Variants in IL1RAPL2 observed in about 807,000 individuals in gnomAD.
IL1RAPL2 encodes the protein interleukin 1 receptor accessory protein like 2.
In IL1RAPL2, 3 loss-of-function variants were observed where a neutral mutation model predicts 44.1. The ratio of observed to expected loss-of-function variants is 0.07; its 90% CI spans 0.03 to 0.18. The LOEUF is 0.18. Among genes scored for constraint, IL1RAPL2 ranks in the 10% least tolerant of loss-of-function variants. The pLI is 1.00. For missense variants in IL1RAPL2, 391 were observed against 496.4 expected, an observed-to-expected ratio of 0.79 and a Z score of 2.02; for synonymous variants, 181 against 178.8, an observed-to-expected ratio of 1.01 and a Z score of -0.10.
chrX:105,670,141 A>C (rs1462517438), intron 6 of IL1RAPL2, among the ~76,000 whole-genome samples: 3 of 53,928 alleles, frequency 5.6e-5, no homozygotes, highest in African/African-American at 1.3e-4. Context: ...ATATATATAT[A>C]TATATATCTC....
At chrX:105,345,234 A>G (rs2035101750) in intron 5 of IL1RAPL2, among the ~76,000 whole-genome samples, 1 of 112,038 alleles carries the variant, frequency 8.9e-6, no homozygotes, top group East Asian at 2.8e-4. Context: ...TTTAAAAATC[A>G]TTTATCAGAT....
rs201017881 is a variant in IL1RAPL2 at position 105,357,652 on chromosome X, T to TA, written c.697+90121dup. Among the ~76,000 whole-genome samples the TA allele has an allele frequency of 6.7e-3, 717 of 106,982 alleles. 7 individuals are homozygous for TA. The highest frequency in any genetic ancestry group is 0.021 in the East Asian group (72 of 3,446). The allele number at this position is 106,982 out of a possible 115,157, so 92.9% of individuals were successfully genotyped here. The stretch of plus-strand genomic sequence containing the variant: ...ATTTGTACTAACTCTGGTAGTTTGC[T>TA]AAAAAAAAAATCAGGACAGGCTAAA... On this transcript the variant is annotated intron_variant, in intron 5 of 10. Transcript: ENST00000372582.
intron 6 of IL1RAPL2, among the ~76,000 whole-genome samples, chrX:105,548,265 G>C: frequency 9.1e-6 from 1 of 109,619 alleles, no homozygotes; most frequent in Non-Finnish European, 1.9e-5. Flanking sequence ...TATATATATT[G>C]AAATTATATA....
chrX:105,387,762 T>C (rs949389797), intron 5 of IL1RAPL2, among the ~76,000 whole-genome samples: 25 of 111,286 alleles, frequency 2.2e-4, no homozygotes, highest in African/African-American at 7.8e-4. Context: ...TTATATACTT[T>C]AAACACTTAA....
chrX:105,080,198 T>A (rs529187391), intron 2 of IL1RAPL2, among the ~76,000 whole-genome samples: 1 of 112,398 alleles, frequency 8.9e-6, no homozygotes, highest in Admixed American at 9.4e-5. Context: ...TAGTTTCTTT[T>A]GCTGTGCAGA....
In IL1RAPL2 at chrX:104,734,481, T is replaced by G. The variant is rs913502381; in HGVS notation, c.82+75486T>G. On this transcript the variant is annotated intron_variant, in intron 2 of 10. Transcript: ENST00000372582. ...TATTCAGCAATAAAAAATGAACTTT[T>G]GATTCATCCATCAACTTGGATGAAT... Among the ~76,000 whole-genome samples the G allele has an allele frequency of 1.6e-4, 18 of 112,829 alleles. No individual in the cohort carries two copies. In the East Asian group the frequency reaches 1.7e-3, roughly 10 times the overall value.
chrX:105,193,630 T>A (rs1466164679), intron 2 of IL1RAPL2, among the ~76,000 whole-genome samples: 4 of 111,801 alleles, frequency 3.6e-5, no homozygotes, highest in African/African-American at 1.3e-4. Context: ...TCTTGAAAGT[T>A]TTGCAGTGAC....
chrX:105,013,317 C>G (rs938716786), intron 2 of IL1RAPL2, among the ~76,000 whole-genome samples: 1 of 110,453 alleles, frequency 9.1e-6, no homozygotes, highest in Admixed American at 9.7e-5. Context: ...TCTAGCTATG[C>G]CAACAGAACC....
chrX:105,072,469 CAGA>C (rs1165208135), intron 2 of IL1RAPL2, among the ~76,000 whole-genome samples: 1 of 110,700 alleles, frequency 9.0e-6, no homozygotes, highest in Non-Finnish European at 1.9e-5. Flanking sequence ...TTGGAGGGCT[CAGA>C]AGAAGACAGG....
chrX:105,715,548 G>T (rs1411812129), intron 6 of IL1RAPL2, among the ~76,000 whole-genome samples: 2 of 111,419 alleles, frequency 1.8e-5, no homozygotes, highest in Non-Finnish European at 3.8e-5. Context: ...GCAAGTAAGG[G>T]AAATTCTCAG....
In IL1RAPL2 at chrX:104,761,930, CTTCTTCTT is replaced by C. The variant is rs1569309922; in HGVS notation, c.82+102936_82+102943del. 1.9e-3 allele frequency among the ~76,000 whole-genome samples: 72 copies of C among 38,287 alleles called. 3 individuals are homozygous for C. The highest frequency in any genetic ancestry group is 6.1e-3 in the South Asian group (4 of 653). The allele number at this position is 38,287 out of a possible 115,157, so 33.2% of individuals were successfully genotyped here. On this transcript the variant is annotated intron_variant, in intron 2 of 10. Coordinates refer to ENST00000372582, the MANE Select transcript of IL1RAPL2 (RefSeq NM_017416.2). ...CCTTCTCCTTCTCCTTCTCCTTCTT[CTTCTTCTT>C]CTTCTTCTTCTTCTTCTTCTTCTTC... is the stretch of plus-strand genomic sequence containing the variant.
At chrX:104,847,468 GT>G (rs1262633995) in intron 2 of IL1RAPL2, among the ~76,000 whole-genome samples, 1 of 111,380 alleles carries the variant, frequency 9.0e-6, no homozygotes, top group African/African-American at 3.3e-5. Flanking sequence ...CCCATTTCTT[GT>G]TTTTGTCAGG....
chrX:104,634,374 G>T (rs1384130006), intron 1 of IL1RAPL2, among the ~76,000 whole-genome samples: 2 of 111,528 alleles, frequency 1.8e-5, no homozygotes, highest in Non-Finnish European at 3.8e-5. Context: ...TTGGTGCAGA[G>T]CTGAGTTCAA....
intron 2 of IL1RAPL2, among the ~76,000 whole-genome samples, chrX:104,706,114 A>G (rs981493192): frequency 1.8e-5 from 2 of 111,207 alleles, no homozygotes; most frequent in African/African-American, 6.5e-5. Flanking sequence ...GACCCTGACA[A>G]TGATGTTGCA....
chrX:104,928,930 A>C (rs1448881739), intron 2 of IL1RAPL2, among the ~76,000 whole-genome samples: 2 of 111,697 alleles, frequency 1.8e-5, no homozygotes, highest in African/African-American at 3.3e-5. Flanking sequence ...TTTTGAAAAT[A>C]AAATAAACTA....
At chrX:105,466,550 C>G (rs907574532) in intron 5 of IL1RAPL2, among the ~76,000 whole-genome samples, 10 of 111,432 alleles carry the variant, frequency 9.0e-5, no homozygotes, top group African/African-American at 3.3e-4. Context: ...CTTCAACTGT[C>G]CCTTCAAGAA....
At chrX:105,646,941 C>T (rs1196697713) in intron 6 of IL1RAPL2, among the ~76,000 whole-genome samples, 1 of 112,440 alleles carries the variant, frequency 8.9e-6, no homozygotes, top group Non-Finnish European at 1.9e-5. Context: ...GGGCCGCTCC[C>T]AAGATGGCGG....
intron 1 of IL1RAPL2, among the ~76,000 whole-genome samples, chrX:104,654,851 T>C (rs1930223229): frequency 1.8e-5 from 2 of 111,262 alleles, no homozygotes; most frequent in Admixed American, 1.9e-4. Flanking sequence ...TTTTAATTCG[T>C]TGAGCAGTGG....
chrX:104,936,941 A>T (rs1488008078), intron 2 of IL1RAPL2, among the ~76,000 whole-genome samples: 1 of 111,645 alleles, frequency 9.0e-6, no homozygotes, highest in Non-Finnish European at 1.9e-5. Context: ...AGTACATGTG[A>T]TAAGGTAGAT....
Sources: gnomAD v4.1 joint callset for allele counts (sites outside exome capture counted in the v4.1 genomes callset) on GRCh38, gnomAD v4.1.1 for gene constraint, MANE v1.5 for transcripts, NCBI Gene and HGNC (gene_info 2026-07-23, HGNC 2026-07-21) for gene names.